DYNC2H1: variants seen among roughly 807,000 people sequenced by gnomAD.
DYNC2H1 encodes the protein cytoplasmic dynein 2 heavy chain 1.
A neutral mutation model predicts 570.0 loss-of-function variants in DYNC2H1; 410 were observed. The observed-to-expected ratio is 0.72, with a 90% CI of 0.66 to 0.78. The LOEUF is 0.78. Ranked by LOEUF, DYNC2H1 falls within the 30% of genes least tolerant of loss-of-function variation. DYNC2H1 has a pLI of 0.00. For missense variants in DYNC2H1, 4,865 were observed against 5,046.4 expected, an observed-to-expected ratio of 0.96 and a Z score of 1.09; for synonymous variants, 1,688 against 1,677.6, an observed-to-expected ratio of 1.01 and a Z score of -0.15.
intron 82 of DYNC2H1, among the ~76,000 whole-genome samples, chr11:103,342,546 A>C (rs1231332975): frequency 6.8e-6 from 1 of 146,880 alleles, no homozygotes. Context: ...TCTGTTGCCC[A>C]GGCTGGAGTG....
At chr11:103,143,504 C>T in intron 18 of DYNC2H1, 109 bp downstream of exon 18, 2 of 1,103,024 alleles carry the variant, frequency 1.8e-6, no homozygotes, top group Non-Finnish European at 2.5e-6. Context: ...CTTGCCTCCT[C>T]CAGATCTCAT....
At chr11:103,388,729 A>G (rs1942000507) in intron 83 of DYNC2H1, among the ~76,000 whole-genome samples, 2 of 152,248 alleles carry the variant, frequency 1.3e-5, no homozygotes, top group Non-Finnish European at 2.9e-5. Flanking sequence ...AATTTTGTCA[A>G]AGGCCTTTTC....
intron 70 of DYNC2H1, among the ~76,000 whole-genome samples, chr11:103,273,359 T>C (rs1176862330): frequency 1.3e-5 from 2 of 152,026 alleles, no homozygotes. Context: ...CGGCTACTTT[T>C]TGTACTTTTT....
intron 65 of DYNC2H1, among the ~76,000 whole-genome samples, chr11:103,248,167 A>G (rs1864690708): frequency 6.6e-6 from 1 of 151,978 alleles, no homozygotes; most frequent in South Asian, 2.1e-4. Flanking sequence ...TCCTTGTGAA[A>G]TGTTTATTTC....
chr11:103,288,571 G>A (rs1258898719), intron 75 of DYNC2H1, among the ~76,000 whole-genome samples: 4 of 151,138 alleles, frequency 2.6e-5, no homozygotes, highest in Non-Finnish European at 5.9e-5. Context: ...TAGGTACTGG[G>A]TGTGGTGGCT....
chr11:103,117,655 A>G lies in DYNC2H1; in HGVS notation c.791A>G (p.Gln264Arg). ...GGTGGTTCATTTGGAAGGTTTGTTC[A>G]GAAAAAGTTGGGAACTTTGAACCTG... ...IIGGSFGRFV[Q>R]KKLGTLNLWE... The change falls in exon 6 of 89, where the codon CAG becomes CGG. Residue 264 changes from glutamine to arginine, a missense_variant. Gln to Arg is a conservative substitution (Grantham distance 43). This residue lies in a region of DYNC2H1 where 1,936 missense variants were observed against 1,962.1 expected (regional missense o/e 0.99). Transcript: ENST00000375735. 1 of 1,606,860 alleles carries G rather than the reference A, an allele frequency of 6.2e-7. No individual in the cohort carries two copies. The highest frequency in any genetic ancestry group is 8.5e-7 in the Non-Finnish European group (1 of 1,175,920).
intron 88 of DYNC2H1, among the ~76,000 whole-genome samples, chr11:103,469,061 G>A (rs1415744780): frequency 6.6e-6 from 1 of 152,160 alleles, no homozygotes; most frequent in Non-Finnish European, 1.5e-5. Flanking sequence ...CCTCCTCAGA[G>A]CAGCCATGCA....
Position 103,282,230 on chromosome 11 carries a change from G to A in DYNC2H1, c.10812+1G>A. The A allele has an allele frequency of 6.2e-7, 1 of 1,607,206 alleles. No individual in the cohort carries two copies. Among genetic ancestry groups the A allele is most frequent in the Non-Finnish European group, 8.5e-7 (1 of 1,177,300 alleles). ...TGTTGGAGACATGTTACGGAAAGCT[G>A]TAAGTTAAAATAACAAAATCTATTT... is the stretch of plus-strand genomic sequence containing the variant. On this transcript the variant is annotated splice_donor_variant, in intron 72 of 88. Transcript: ENST00000375735. LOFTEE classifies it high-confidence loss of function.
At chr11:103,257,499 G>A in intron 68 of DYNC2H1, 109 bp from the exon 69 acceptor site, 1 of 1,111,076 alleles carries the variant, frequency 9.0e-7, no homozygotes, top group African/African-American at 1.6e-5. Context: ...GAAAAAGTAA[G>A]GTTTTTTTAT....
At chr11:103,306,174 A>G (rs1032684236) in intron 77 of DYNC2H1, among the ~76,000 whole-genome samples, 2 of 152,162 alleles carry the variant, frequency 1.3e-5, no homozygotes, top group Non-Finnish European at 2.9e-5. Context: ...CAGCTTCCCA[A>G]AGTGCTGGGA....
intron 40 of DYNC2H1, 105 bp from the exon 41 acceptor site, chr11:103,184,790 TA>T: frequency 8.3e-7 from 1 of 1,203,790 alleles, no homozygotes; most frequent in Non-Finnish European, 1.1e-6. Flanking sequence ...GGAGTGAGTT[TA>T]AAAATGGTTC....
At chr11:103,328,894 T>G (rs994385943) in intron 82 of DYNC2H1, among the ~76,000 whole-genome samples, 2 of 152,124 alleles carry the variant, frequency 1.3e-5, no homozygotes, top group Non-Finnish European at 2.9e-5. Context: ...GCAAGAGACT[T>G]TGGGTTTTGT....
intron 88 of DYNC2H1, among the ~76,000 whole-genome samples, chr11:103,474,639 T>TGA (rs944953647): frequency 1.8e-4 from 27 of 152,232 alleles, no homozygotes; most frequent in African/African-American, 5.3e-4. Context: ...ATAGGTATTT[T>TGA]GAGAGAGAGA....
intron 53 of DYNC2H1, among the ~76,000 whole-genome samples, chr11:103,210,332 A>G (rs1863103568): frequency 6.6e-6 from 1 of 152,012 alleles, no homozygotes; most frequent in South Asian, 2.1e-4. Flanking sequence ...TATATGAAAA[A>G]GTTTTATGAC....
chr11:103,231,883 C>A (rs1159755897), intron 60 of DYNC2H1, among the ~76,000 whole-genome samples: 1 of 151,550 alleles, frequency 6.6e-6, no homozygotes, highest in Non-Finnish European at 1.5e-5. Context: ...TCTCTCTCCC[C>A]CTCTCTCTCT....
chr11:103,262,675 C>G (rs762252898), intron 70 of DYNC2H1, among the ~76,000 whole-genome samples: 1 of 152,084 alleles, frequency 6.6e-6, no homozygotes, highest in Non-Finnish European at 1.5e-5. Context: ...ACTACCAGGC[C>G]TGCCTTACAA....
At chr11:103,343,053 G>A (rs566500154) in intron 82 of DYNC2H1, among the ~76,000 whole-genome samples, 1 of 152,292 alleles carries the variant, frequency 6.6e-6, no homozygotes, top group South Asian at 2.1e-4. Context: ...ATGGGTATCA[G>A]GCTTTCTGGG....
intron 34 of DYNC2H1, among the ~76,000 whole-genome samples, chr11:103,172,564 A>G (rs972645340): frequency 6.6e-6 from 1 of 151,866 alleles, no homozygotes; most frequent in Non-Finnish European, 1.5e-5. Context: ...TTTAGCTTCT[A>G]TTCTTAGGGT....
intron 85 of DYNC2H1, among the ~76,000 whole-genome samples, chr11:103,442,896 G>C (rs1333909467): frequency 6.6e-6 from 1 of 151,006 alleles, no homozygotes; most frequent in Non-Finnish European, 1.5e-5. Flanking sequence ...ACCAGTGATT[G>C]TTAGTAATAT....
Sources: gnomAD v4.1 joint callset for allele counts (sites outside exome capture counted in the v4.1 genomes callset) on GRCh38, gnomAD v4.1.1 for gene constraint, gnomAD v4.1.1 regional missense constraint, MANE v1.5 for transcripts, NCBI Gene and HGNC (gene_info 2026-07-23, HGNC 2026-07-21) for gene names.